Variants in TSSC4 observed in about 807,000 individuals in gnomAD.
The protein encoded by TSSC4 is U5 small nuclear ribonucleoprotein TSSC4.
For synonymous variants in TSSC4, 259 were observed against 197.9 expected (o/e 1.31, Z -2.59); for missense variants, 500 against 443.9 (o/e 1.13, Z -1.14).
At position 2,402,342 on chromosome 11, in the gene TSSC4, G is replaced by C. The variant is rs1850172118; in HGVS notation, c.-132G>C. The C allele has an allele frequency of 4.6e-6, 2 of 432,048 alleles. No homozygotes were observed. The highest frequency in any genetic ancestry group is 2.0e-5 in the African/African-American group (1 of 49,834). 26.8% of individuals were successfully genotyped at this position (432,048 alleles called of 1,614,324 possible). The stretch of plus-strand genomic sequence containing the variant: ...GCCGGGGCACTCCGAGGCCTGAGAC[G>C]ACCACGCCTGTGCCGCTGAGGACCT... On this transcript the variant is annotated 5_prime_UTR_variant, in exon 2 of 3. Transcript: ENST00000333256.
rs1380630419 is a variant in TSSC4 at position 2,403,843 on chromosome 11, T to C, written c.*220T>C. ...GTGTGGGCTGGAAGCACTGGCTCCC[T>C]GGTAGGGACAATAAAGGTTTTGGGT... is the stretch of plus-strand genomic sequence containing the variant. On this transcript the variant is annotated 3_prime_UTR_variant, in exon 3 of 3. Transcript: ENST00000333256. 6 of 438,790 alleles carry C rather than the reference T, an allele frequency of 1.4e-5. No homozygotes were observed. The highest frequency in any genetic ancestry group is 3.6e-5 in the East Asian group (1 of 27,940). 27.2% of individuals were successfully genotyped at this position (438,790 alleles called of 1,614,324 possible).
chr11:2,400,994 GGGCACCGAGAGCCAGCTT>G (rs1850127602), intron 1 of TSSC4, 196 bp downstream of exon 1: 1 of 152,224 alleles, frequency 6.6e-6, no homozygotes, highest in South Asian at 2.1e-4. Context: ...CAGTGCCGAG[GGGCACCGAGAGCCAGCTT>G]GGCACCGAGA....
At position 2,403,067 on chromosome 11, in the gene TSSC4, C is replaced by A. The variant is rs774492966; in HGVS notation, c.434C>A (p.Ala145Asp). Residue 145 changes from alanine to aspartate, a missense_variant, in exon 3 of 3, where the codon GCC (alanine) becomes GAC (aspartate). Physicochemically the swap from Ala to Asp is moderately radical, Grantham distance 126. Transcript: ENST00000333256. Reference sequence around the variant, plus strand: ...CTGGGCAGGGCCCATCGGAGCCCTGCCTCACCAAGGGTGCCTCCGGTCCCC... The same window carrying A: ...CTGGGCAGGGCCCATCGGAGCCCTGACTCACCAAGGGTGCCTCCGGTCCCC... ...EGLGRAHRSP[A>D]SPRVPPVPDY... 3 of 1,610,290 alleles carry A rather than the reference C, an allele frequency of 1.9e-6. No homozygotes were observed. Among genetic ancestry groups the A allele is most frequent in the Non-Finnish European group, 2.5e-6 (3 of 1,179,030 alleles).
chr11:2,403,046 G>A lies in TSSC4; in HGVS notation c.413G>A (p.Gly138Asp). Residue 138 changes from glycine (G) to aspartate (D), a missense_variant, in exon 3 of 3, where the codon GGC becomes GAC. Transcript: ENST00000333256. ...PSGRSPVEGL[G>D]RAHRSPASPR... ...GGCCGGTCTCCAGTGGAAGGCCTGG[G>A]CAGGGCCCATCGGAGCCCTGCCTCA... is the stretch of plus-strand genomic sequence containing the variant. 1 of 1,609,130 alleles carries A rather than the reference G, an allele frequency of 6.2e-7. No individual in the cohort carries two copies. The highest frequency in any genetic ancestry group is 8.5e-7 in the Non-Finnish European group (1 of 1,178,490).
Position 2,402,469 on chromosome 11 carries a change from G to C in TSSC4, c.-24+19G>C, listed in dbSNP as rs1021169797. 23 of 721,590 alleles carry C rather than the reference G, an allele frequency of 3.2e-5. No individual in the cohort carries two copies. In the South Asian group the frequency reaches 3.3e-4, roughly 10 times the overall value. The allele number at this position is 721,590 out of a possible 1,614,324, so 44.7% of individuals were successfully genotyped here. A position where few individuals can be genotyped will look rare whatever the true frequency, so the allele number is the denominator to read the frequency against. On this transcript the variant is annotated intron_variant, in intron 2 of 2. Transcript: ENST00000333256. ...AAGAGAGGTGAGAGGAGGGCTTGGAGGGGGAGGCGGGACTCCACCCTGTGT... is the reference window on the plus strand; with the variant it reads ...AAGAGAGGTGAGAGGAGGGCTTGGACGGGGAGGCGGGACTCCACCCTGTGT...
chr11:2,403,586 AGAGCAGCAGCCCC>A lies in TSSC4; in HGVS notation c.957_969del (p.Ser319ArgfsTer92). 6.5e-7 allele frequency: 1 copy of A among 1,545,824 alleles called. No homozygotes were observed. The highest frequency in any genetic ancestry group is 2.3e-5 in the East Asian group (1 of 44,028). ...CGGAGTCGAGACCACTTCCGGAACA[AGAGCAGCAGCCCC>A]GAGGACCCAGGTGCTGAGGTCTGAG... On this transcript the variant is annotated frameshift_variant, in exon 3 of 3. Transcript: ENST00000333256. LOFTEE classifies it high-confidence loss of function.
Position 2,402,755 on chromosome 11 carries a change from C to T in TSSC4, c.122C>T (p.Pro41Leu), listed in dbSNP as rs1217064214. The T allele has an allele frequency of 4.5e-6, 7 of 1,570,852 alleles. No homozygotes were observed. The African/African-American group carries it at 9.5e-5, about 21-fold the overall frequency. The change falls in exon 3 of 3, where the codon CCC (proline) becomes CTC (leucine). Residue 41 changes from proline to leucine, a missense_variant. Physicochemically the swap from Pro to Leu is moderately conservative, Grantham distance 98. Transcript: ENST00000333256. ...LSDSDSDLSL[P>L]GGAEVEALSP... ...GACTCGGACTCTGACCTCAGCTTGC[C>T]CGGTGGTGCTGAAGTGGAAGCACTG... is the stretch of plus-strand genomic sequence containing the variant.
chr11:2,403,747 G>A lies in TSSC4; in HGVS notation c.*124G>A, dbSNP rs184868594. ...TGGGAGGAAGCCTGCAGGTGGCACC[G>A]GTGGCCCTGGCTGCAGTTCTGGGCA... On this transcript the variant is annotated 3_prime_UTR_variant, in exon 3 of 3. Transcript: ENST00000333256. 25 of 1,057,240 alleles carry A rather than the reference G, an allele frequency of 2.4e-5. No homozygotes were observed. The highest frequency in any genetic ancestry group is 6.0e-5 in the East Asian group (2 of 33,216). 65.5% of individuals were successfully genotyped at this position (1,057,240 alleles called of 1,614,324 possible).
chr11:2,403,069 T>G lies in TSSC4; in HGVS notation c.436T>G (p.Ser146Ala), dbSNP rs748233468. ...GLGRAHRSPA[S>A]PRVPPVPDYV... Reference sequence around the variant, plus strand: ...GGGCAGGGCCCATCGGAGCCCTGCCTCACCAAGGGTGCCTCCGGTCCCCGA... The same window carrying G: ...GGGCAGGGCCCATCGGAGCCCTGCCGCACCAAGGGTGCCTCCGGTCCCCGA... Residue 146 changes from serine to alanine, a missense_variant, in exon 3 of 3, where the codon TCA becomes GCA. Physicochemically the swap from Ser to Ala is moderately conservative, Grantham distance 99 (BLOSUM62 1). Coordinates refer to ENST00000333256, the MANE Select transcript of TSSC4 (RefSeq NM_005706.4). 4 of 1,610,672 alleles carry G rather than the reference T, an allele frequency of 2.5e-6. No homozygotes were observed. The highest frequency in any genetic ancestry group is 1.1e-5 in the South Asian group (1 of 90,822).
rs140715073 is a variant in TSSC4 at position 2,403,580 on chromosome 11, G to A, written c.947G>A (p.Arg316Gln). 21 of 1,552,702 alleles carry A rather than the reference G, an allele frequency of 1.4e-5. No individual in the cohort carries two copies. Among genetic ancestry groups the A allele is most frequent in the East Asian group, 2.3e-5 (1 of 44,210 alleles). ...GSRKRSRDHF[R>Q]NKSSSPEDPG... ...AGGAAGCGGAGTCGAGACCACTTCCGGAACAAGAGCAGCAGCCCCGAGGAC... is the reference window on the plus strand; with the variant it reads ...AGGAAGCGGAGTCGAGACCACTTCCAGAACAAGAGCAGCAGCCCCGAGGAC... The change falls in exon 3 of 3, where the codon CGG becomes CAG. Residue 316 changes from arginine (R) to glutamine (Q), a missense_variant. By Grantham distance (43) the Arg-to-Gln change is conservative. Coordinates refer to ENST00000333256, the MANE Select transcript of TSSC4 (RefSeq NM_005706.4).
rs371788914 is a variant in TSSC4 at position 2,402,276 on chromosome 11, C to G, written c.-180-18C>G. The G allele has an allele frequency of 2.0e-4, 55 of 278,566 alleles. 1 individual carries two copies. In the East Asian group the frequency reaches 2.1e-3, roughly 11 times the overall value. 17.3% of individuals were successfully genotyped at this position (278,566 alleles called of 1,614,324 possible). Reference sequence around the variant, plus strand: ...CCGGTCTGAGGTTGGTCCTCTCCCCCACCCCACCCACCTGCAGTTGAGCAG... The same window carrying G: ...CCGGTCTGAGGTTGGTCCTCTCCCCGACCCCACCCACCTGCAGTTGAGCAG... On this transcript the variant is annotated intron_variant, in intron 1 of 2. Coordinates refer to ENST00000333256, the MANE Select transcript of TSSC4 (RefSeq NM_005706.4).
In TSSC4 at chr11:2,403,253, G is replaced by C. The variant is rs745948403; in HGVS notation, c.620G>C (p.Ser207Thr). 2 of 1,612,592 alleles carry C rather than the reference G, an allele frequency of 1.2e-6. No individual in the cohort carries two copies. Among genetic ancestry groups the C allele is most frequent in the Non-Finnish European group, 1.7e-6 (2 of 1,179,812 alleles). The change falls in exon 3 of 3, where the codon AGC becomes ACC. Residue 207 changes from serine (S) to threonine (T), a missense_variant. By Grantham distance (58) the Ser-to-Thr change is moderately conservative. Transcript: ENST00000333256. The part of the protein sequence containing the change: ...CVSSFNQDPS[S>T]CGEGRVIFTK... Reference sequence around the variant, plus strand: ...TCCTCCTTCAACCAGGATCCCTCCAGCTGTGGGGAGGGGAGGGTCATCTTC... The same window carrying C: ...TCCTCCTTCAACCAGGATCCCTCCACCTGTGGGGAGGGGAGGGTCATCTTC...
At position 2,402,902 on chromosome 11, in the gene TSSC4, C is replaced by G. The variant is rs1850195227; in HGVS notation, c.269C>G (p.Ser90Cys). Residue 90 changes from serine to cysteine, a missense_variant, in exon 3 of 3, where the codon TCC (serine) becomes TGC (cysteine). Coordinates refer to ENST00000333256, the MANE Select transcript of TSSC4 (RefSeq NM_005706.4). The part of the protein sequence containing the change: ...FHLRGMSSTF[S>C]QRSRDIFDCL... Reference sequence around the variant, plus strand: ...CTGAGAGGCATGAGCTCCACCTTCTCCCAGCGCAGCCGTGACATCTTTGAC... The same window carrying G: ...CTGAGAGGCATGAGCTCCACCTTCTGCCAGCGCAGCCGTGACATCTTTGAC... 6.2e-7 allele frequency: 1 copy of G among 1,612,120 alleles called. No individual in the cohort carries two copies. Among genetic ancestry groups the G allele is most frequent in the Non-Finnish European group, 8.5e-7 (1 of 1,179,788 alleles).
At position 2,403,388 on chromosome 11, in the gene TSSC4, A is replaced by G. The variant is rs1456919157; in HGVS notation, c.755A>G (p.Glu252Gly). Residue 252 changes from glutamate to glycine, a missense_variant, in exon 3 of 3, where the codon GAG (glutamate) becomes GGG (glycine). Physicochemically the swap from Glu to Gly is moderately conservative, Grantham distance 98. Transcript: ENST00000333256. ...GLGNPATDRG[E>G]GPVELAHLAG... ...GGGAATCCTGCCACAGACAGGGGCGAGGGCCCTGTGGAGCTGGCCCATCTG... is the reference window on the plus strand; with the variant it reads ...GGGAATCCTGCCACAGACAGGGGCGGGGGCCCTGTGGAGCTGGCCCATCTG... 31 of 1,606,678 alleles carry G rather than the reference A, an allele frequency of 1.9e-5. No homozygotes were observed. The highest frequency in any genetic ancestry group is 2.2e-5 in the Non-Finnish European group (26 of 1,176,180).
In TSSC4 at chr11:2,402,999, C is replaced by T. The variant is rs1231854352; in HGVS notation, c.366C>T (p.Phe122=). Residue 122 remains phenylalanine (F), a synonymous_variant, in exon 3 of 3, where the codon TTC becomes TTT. Transcript: ENST00000333256. ...AHTSMSDNGG[F]KRPLAPSGRS... ...CCAGCATGAGTGACAACGGAGGCTT[C>T]AAGCGGCCCCTAGCGCCCTCAGGCC... 2 of 1,608,380 alleles carry T rather than the reference C, an allele frequency of 1.2e-6. No homozygotes were observed. The highest frequency in any genetic ancestry group is 2.2e-5 in the East Asian group (1 of 44,744).
Position 2,403,107 on chromosome 11 carries a change from C to T in TSSC4, c.474C>T (p.His158=). 4.3e-6 allele frequency: 7 copies of T among 1,612,518 alleles called. No homozygotes were observed. The highest frequency in any genetic ancestry group is 1.1e-5 in the South Asian group (1 of 91,050). Residue 158 remains histidine (H), a synonymous_variant, in exon 3 of 3, where the codon CAC becomes CAT. Coordinates refer to ENST00000333256, the MANE Select transcript of TSSC4 (RefSeq NM_005706.4). The part of the protein sequence containing the change: ...RVPPVPDYVA[H]PERWTKYSLE... ...CTCCGGTCCCCGACTACGTGGCACA[C>T]CCCGAGCGCTGGACCAAGTACAGCC...
rs1438820127 is a variant in TSSC4, at chr11:2,402,812, C to G, written c.179C>G (p.Ser60Ter). The change falls in exon 3 of 3, where the codon TCA (serine) becomes TGA (stop). Residue 60 changes from serine (S) to a stop codon, truncating the protein, a stop_gained. Transcript: ENST00000333256. LOFTEE classifies it low-confidence loss of function (END_TRUNC). ...ATGGGGCTGCCTGGGGAGGAGGATTCAGGTCCTGATGAGCCGCCCTCACCC... is the reference window on the plus strand; with the variant it reads ...ATGGGGCTGCCTGGGGAGGAGGATTGAGGTCCTGATGAGCCGCCCTCACCC... Reference protein sequence around the residue: ...SPMGLPGEEDSGPDEPPSPPS... With the variant: ...SPMGLPGEED 1.3e-6 allele frequency: 2 copies of G among 1,588,256 alleles called. No individual in the cohort carries two copies.
Position 2,403,576 on chromosome 11 carries a change from T to C in TSSC4, c.943T>C (p.Phe315Leu), listed in dbSNP as rs1245712834. ...HGSRKRSRDH[F>L]RNKSSSPEDP... ...CAGCAGGAAGCGGAGTCGAGACCAC[T>C]TCCGGAACAAGAGCAGCAGCCCCGA... Residue 315 changes from phenylalanine (F) to leucine (L), a missense_variant, in exon 3 of 3, where the codon TTC becomes CTC. By Grantham distance (22) the Phe-to-Leu change is conservative (BLOSUM62 0). Coordinates refer to ENST00000333256, the MANE Select transcript of TSSC4 (RefSeq NM_005706.4). 6.4e-7 allele frequency: 1 copy of C among 1,554,262 alleles called. No individual in the cohort carries two copies. Among genetic ancestry groups the C allele is most frequent in the Non-Finnish European group, 8.7e-7 (1 of 1,153,392 alleles).
Position 2,403,149 on chromosome 11 carries a change from G to C in TSSC4, c.516G>C (p.Glu172Asp). Residue 172 changes from glutamate (E) to aspartate (D), a missense_variant, in exon 3 of 3, where the codon GAG (glutamate) becomes GAC (aspartate). Physicochemically the swap from Glu to Asp is conservative, Grantham distance 45 (BLOSUM62 2). Transcript: ENST00000333256. ...WTKYSLEDVTEVSEQSNQATA... is the reference protein window; with the variant it reads ...WTKYSLEDVTDVSEQSNQATA... ...AGTACAGCCTGGAAGATGTGACCGAGGTCAGCGAGCAGAGCAATCAGGCCA... is the reference window on the plus strand; with the variant it reads ...AGTACAGCCTGGAAGATGTGACCGACGTCAGCGAGCAGAGCAATCAGGCCA... 1 of 1,612,208 alleles carries C rather than the reference G, an allele frequency of 6.2e-7. No individual in the cohort carries two copies. Among genetic ancestry groups the C allele is most frequent in the Non-Finnish European group, 8.5e-7 (1 of 1,179,494 alleles).
Sources: allele counts gnomAD v4.1 joint callset, GRCh38; gene constraint gnomAD v4.1.1; transcripts MANE v1.5; gene names NCBI Gene and HGNC (gene_info 2026-07-23, HGNC 2026-07-21).